Variants in SCN4A observed in about 807,000 individuals in gnomAD.
SCN4A encodes sodium voltage-gated channel alpha subunit 4.
SCN4A carries 83 observed loss-of-function variants against 162.0 expected under a neutral mutation model. That is an observed-to-expected ratio of 0.51 (90% CI 0.43 to 0.61). The LOEUF (loss-of-function observed/expected upper bound fraction) is 0.61, where lower values mean the gene tolerates loss of function less well. SCN4A is among the 20% of genes least tolerant of loss of function. The probability of loss-of-function intolerance (pLI) is 0.00; values close to 1 mark genes in which losing one functional copy is unlikely to be tolerated. For synonymous variants in SCN4A, 944 were observed against 985.1 expected (o/e 0.96, Z 0.78); for missense variants, 2,196 against 2,462.5 (o/e 0.89, Z 2.29).
In SCN4A at chr17:63,957,223, A is replaced by G; in HGVS notation, c.2315T>C (p.Val772Ala). The G allele has an allele frequency of 6.2e-7, 1 of 1,601,924 alleles. No individual in the cohort carries two copies. The stretch of plus-strand genomic sequence containing the variant: ...GGTGAGGCACATGGCTTGGCCGGCC[A>G]CCTCCATGCAGTCCCACATGGTCTC... ...WIETMWDCME[V>A]AGQAMCLTVF... Residue 772 changes from valine to alanine, a missense_variant, in exon 13 of 24, where the codon GTG becomes GCG. Physicochemically the swap from Val to Ala is moderately conservative, Grantham distance 64 (BLOSUM62 0). Transcript: ENST00000435607.
At position 63,944,741 on chromosome 17, in the gene SCN4A, C is replaced by G; in HGVS notation, c.3844G>C (p.Gly1282Arg). 2 of 1,613,666 alleles carry G rather than the reference C, an allele frequency of 1.2e-6. No homozygotes were observed. Among genetic ancestry groups the G allele is most frequent in the Non-Finnish European group, 1.7e-6 (2 of 1,179,792 alleles). The change falls in exon 21 of 24, where the codon GGC becomes CGC. Residue 1282 changes from glycine to arginine, a missense_variant. By Grantham distance (125) the Gly-to-Arg change is moderately radical. Transcript: ENST00000435607. The surrounding 1 kb of genome is among the most constrained non-coding windows in gnomAD (Gnocchi z 4.3). ...YLYFVIFIIF[G>R]SFFTLNLFIG... ...AAGAGGTTGAGGGTGAAGAAGGAGC[C>G]AAAGATGATGAAGATGACAAAGTAG...
rs1195733783 is a variant in SCN4A at position 63,938,709 on chromosome 17, A to G, written c.*2062T>C. The G allele has an allele frequency of 6.5e-6, 1 of 152,678 alleles. No individual in the cohort carries two copies. The allele number at this position is 152,678 out of a possible 1,614,324, so 9.5% of individuals were successfully genotyped here. On this transcript the variant is annotated 3_prime_UTR_variant, in exon 24 of 24. Coordinates refer to ENST00000435607, the MANE Select transcript of SCN4A (RefSeq NM_000334.4). Reference sequence around the variant, plus strand: ...GGGAGAGGCCGGACCCGGCTCATCTACTCTTCCTCTGCAACCTGCACACAG... The same window carrying G: ...GGGAGAGGCCGGACCCGGCTCATCTGCTCTTCCTCTGCAACCTGCACACAG...
intron 10 of SCN4A, among the ~76,000 whole-genome samples, chr17:63,962,681 C>A (rs1256119436): frequency 6.6e-6 from 1 of 152,132 alleles, no homozygotes; most frequent in Non-Finnish European, 1.5e-5. Flanking sequence ...ACCTCCCTCC[C>A]ACACCCAGTA....
rs768289095 is a variant in SCN4A, at chr17:63,951,660, T to TCTCCCCCGCCTCTCCAGC, written c.2599_2616dup (p.Ala867_Glu872dup). The TCTCCCCCGCCTCTCCAGC allele has an allele frequency of 1.9e-5, 30 of 1,584,092 alleles. No individual in the cohort carries two copies. The highest frequency in any genetic ancestry group is 3.3e-4 in the Middle Eastern group (2 of 6,008). On this transcript the variant is annotated inframe_insertion, in exon 14 of 24. Coordinates refer to ENST00000435607, the MANE Select transcript of SCN4A (RefSeq NM_000334.4). The surrounding 1 kb of genome is among the most constrained non-coding windows in gnomAD (Gnocchi z 4.5). ...TCCTTCTTCTCATCCTCGGGGGCAG[T>TCTCCCCCGCCTCTCCAGC]CTCCCCCGCCTCTCCAGCCTCCCCG...
intron 6 of SCN4A, among the ~76,000 whole-genome samples, chr17:63,966,999 G>C (rs1463264656): frequency 6.6e-6 from 1 of 152,170 alleles, no homozygotes; most frequent in Non-Finnish European, 1.5e-5. Flanking sequence ...TGCCTGTGAA[G>C]ATGCATATGT....
intron 17 of SCN4A, among the ~76,000 whole-genome samples, chr17:63,947,584 T>C (rs1207419823): frequency 1.3e-5 from 2 of 152,142 alleles, no homozygotes; most frequent in Non-Finnish European, 2.9e-5. Context: ...CAAGATCCCA[T>C]CTTAAAAATA....
At position 63,940,840 on chromosome 17, in the gene SCN4A, G is replaced by A. The variant is rs2144772830; in HGVS notation, c.5442C>T (p.Asp1814=). 6.2e-7 allele frequency: 1 copy of A among 1,611,104 alleles called. No individual in the cohort carries two copies. The highest frequency in any genetic ancestry group is 1.7e-4 in the Middle Eastern group (1 of 6,058). The change falls in exon 24 of 24, where the codon GAC becomes GAT. Residue 1814 remains aspartate, a synonymous_variant. Transcript: ENST00000435607. The stretch of plus-strand genomic sequence containing the variant: ...GGGGAGGGGCGGGAGGCCAGGCAGT[G>A]TCTGAGGGGCTGATGGGCATCAGCC... ...TMGLMPISPS[D]TAWPPAPPPG...
rs1401988168 is a variant in SCN4A at position 63,951,308 on chromosome 17, G to A, written c.2853+116C>T. 7 of 712,200 alleles carry A rather than the reference G, an allele frequency of 9.8e-6. No homozygotes were observed. Among genetic ancestry groups the A allele is most frequent in the Admixed American group, 2.9e-5 (1 of 34,408 alleles). The allele number at this position is 712,200 out of a possible 1,614,324, so 44.1% of individuals were successfully genotyped here. Reference sequence around the variant, plus strand: ...ACATAATGCTTGCAACAATGCCATAGGGCACCACCCCCATTTTACAGCTGG... The same window carrying A: ...ACATAATGCTTGCAACAATGCCATAAGGCACCACCCCCATTTTACAGCTGG... On this transcript the variant is annotated intron_variant, in intron 14 of 23. Coordinates refer to ENST00000435607, the MANE Select transcript of SCN4A (RefSeq NM_000334.4). The surrounding 1 kb of genome is among the most constrained non-coding windows in gnomAD (Gnocchi z 4.5).
At chr17:63,947,224 C>T in intron 17 of SCN4A, 57 bp from the exon 18 acceptor site, 1 of 1,605,862 alleles carries the variant, frequency 6.2e-7, no homozygotes, top group South Asian at 1.1e-5. Flanking sequence ...TCCCCTCAAG[C>T]CCAGGCCACG....
In SCN4A at chr17:63,945,200, G is replaced by C. The variant is rs1567817923; in HGVS notation, c.3721-140C>G. 1 of 1,028,284 alleles carries C rather than the reference G, an allele frequency of 9.7e-7. No individual in the cohort carries two copies. Among genetic ancestry groups the C allele is most frequent in the Non-Finnish European group, 1.5e-6 (1 of 687,124 alleles). The allele number at this position is 1,028,284 out of a possible 1,614,324, so 63.7% of individuals were successfully genotyped here. ...CCCCACTGGGCTAGCATCAAATAAA[G>C]ACCAGAGAGGTCTAGACACTGCCTG... is the stretch of plus-strand genomic sequence containing the variant. On this transcript the variant is annotated intron_variant, in intron 19 of 23. Transcript: ENST00000435607. This position sits in a 1 kb window ranked among gnomAD's most constrained non-coding sequence, Gnocchi z 4.4.
chr17:63,941,413 T>A lies in SCN4A; in HGVS notation c.4869A>T (p.Thr1623=). The A allele has an allele frequency of 6.2e-7, 1 of 1,613,634 alleles. No individual in the cohort carries two copies. Among genetic ancestry groups the A allele is most frequent in the South Asian group, 1.1e-5 (1 of 91,060 alleles). ...TGGCGTCGGGGTCGAACTTCTCCCA[T>A]GTCTCGTAGAACATCTCAAAGTCAT... The part of the protein sequence containing the change: ...GEDDFEMFYE[T]WEKFDPDATQ... Residue 1623 remains threonine, a synonymous_variant, in exon 24 of 24, where the codon ACA becomes ACT. Transcript: ENST00000435607. The surrounding 1 kb of genome is among the most constrained non-coding windows in gnomAD (Gnocchi z 6.2).
At position 63,943,952 on chromosome 17, in the gene SCN4A, G is replaced by A. The variant is rs8079073; in HGVS notation, c.3913-102C>T. ...GCACCTCACCTTTAAGGCAGCCCCC[G>A]CCCCTGTTGATCAGCCTGGAGGAAG... On this transcript the variant is annotated intron_variant, in intron 21 of 23. Transcript: ENST00000435607. 0.028 allele frequency: 20,031 copies of A among 714,964 alleles called. 2,714 individuals carry two copies. In the African/African-American group the frequency reaches 0.3, roughly 11 times the overall value. 44.3% of individuals were successfully genotyped at this position (714,964 alleles called of 1,614,324 possible). A position where few individuals can be genotyped will look rare whatever the true frequency, so the allele number is the denominator to read the frequency against.
chr17:63,972,464 T>C lies in SCN4A; in HGVS notation c.280A>G (p.Ile94Val). 1 of 1,613,672 alleles carries C rather than the reference T, an allele frequency of 6.2e-7. No individual in the cohort carries two copies. ...ATGGCCTTGCCCTTGTTGAGTACGA[T>C]GAAGGTCTAAGGTGGGAGAGAGGCT... ...DPYYSNKKTF[I>V]VLNKGKAIFR... Residue 94 changes from isoleucine (I) to valine (V), a missense_variant, in exon 2 of 24, where the codon ATC becomes GTC. Transcript: ENST00000435607. The surrounding 1 kb of genome is among the most constrained non-coding windows in gnomAD (Gnocchi z 4.3).
chr17:63,971,981 T>TGATA, intron 3 of SCN4A, 131 bp from the exon 4 acceptor site: 1 of 1,130,432 alleles, frequency 8.8e-7, no homozygotes, highest in Non-Finnish European at 1.3e-6. Context: ...CACTAGCGAG[T>TGATA]GATAGCATGG....
Position 63,951,394 on chromosome 17 carries a change from G to T in SCN4A, c.2853+30C>A. On this transcript the variant is annotated intron_variant, in intron 14 of 23. Transcript: ENST00000435607. This position sits in a 1 kb window ranked among gnomAD's most constrained non-coding sequence, Gnocchi z 4.5. ...CCAGGTCACAGGAGAATTTGAAGCC[G>T]GGTCTGTCTGAGCCCCAGCCCCGGC... The T allele has an allele frequency of 6.8e-7, 1 of 1,462,350 alleles. No homozygotes were observed. The highest frequency in any genetic ancestry group is 1.3e-5 in the South Asian group (1 of 76,072). The allele number at this position is 1,462,350 out of a possible 1,614,324, so 90.6% of individuals were successfully genotyped here.
In SCN4A at chr17:63,943,866, G is replaced by T. The variant is rs1424993289; in HGVS notation, c.3913-16C>A. 1 of 1,540,110 alleles carries T rather than the reference G, an allele frequency of 6.5e-7. No individual in the cohort carries two copies. Among genetic ancestry groups the T allele is most frequent in the Non-Finnish European group, 9.0e-7 (1 of 1,112,820 alleles). Reference sequence around the variant, plus strand: ...TCCCCCCTAAGTATAGTGGGATAGGGCTTGTCAGGTTGAGGTGCAGTTCCC... The same window carrying T: ...TCCCCCCTAAGTATAGTGGGATAGGTCTTGTCAGGTTGAGGTGCAGTTCCC... On this transcript the variant is annotated splice_polypyrimidine_tract_variant and intron_variant, in intron 21 of 23. Coordinates refer to ENST00000435607, the MANE Select transcript of SCN4A (RefSeq NM_000334.4).
Position 63,972,375 on chromosome 17 carries a change from C to G in SCN4A, c.369G>C (p.Gly123=), listed in dbSNP as rs1224643942. The part of the protein sequence containing the change: ...LLSPFSVVRR[G]AIKVLIHALF... ...ATGCATGGATGAGCACCTTGATGGC[C>G]CCGCGCCTGACTACGCTGAAGGGGC... is the stretch of plus-strand genomic sequence containing the variant. Residue 123 remains glycine, a synonymous_variant, in exon 2 of 24, where the codon GGG becomes GGC. Transcript: ENST00000435607. The surrounding 1 kb of genome is among the most constrained non-coding windows in gnomAD (Gnocchi z 4.3). 1.9e-6 allele frequency: 3 copies of G among 1,613,760 alleles called. No homozygotes were observed. Among genetic ancestry groups the G allele is most frequent in the Non-Finnish European group, 2.5e-6 (3 of 1,179,840 alleles).
rs550132900 is a variant in SCN4A at position 63,971,272 on chromosome 17, G to C, written c.612-19C>G. On this transcript the variant is annotated intron_variant, in intron 4 of 23. Transcript: ENST00000435607. ...CAGGTACCTGGGTAGGGGGTGGAGGGGGGTGGGGACTGTCAGAGCCTGGGG... is the reference window on the plus strand; with the variant it reads ...CAGGTACCTGGGTAGGGGGTGGAGGCGGGTGGGGACTGTCAGAGCCTGGGG... The C allele has an allele frequency of 1.8e-5, 25 of 1,421,944 alleles. No individual in the cohort carries two copies. The highest frequency in any genetic ancestry group is 3.8e-4 in the Middle Eastern group (2 of 5,240). 88.1% of individuals were successfully genotyped at this position (1,421,944 alleles called of 1,614,324 possible). A position where few individuals can be genotyped will look rare whatever the true frequency, so the allele number is the denominator to read the frequency against.
chr17:63,957,441 C>A lies in SCN4A; in HGVS notation c.2097G>T (p.Ala699=), dbSNP rs765222494. ...CCAGCACCAGCGTCAGGTTACCCAGCGCCCCCACTGAATTGCCAATGATCT... is the reference window on the plus strand; with the variant it reads ...CCAGCACCAGCGTCAGGTTACCCAGAGCCCCCACTGAATTGCCAATGATCT... ...LIKIIGNSVG[A]LGNLTLVLAI... The change falls in exon 13 of 24, where the codon GCG becomes GCT. Residue 699 remains alanine (A), a synonymous_variant. Transcript: ENST00000435607. The A allele has an allele frequency of 1.2e-6, 2 of 1,613,930 alleles. No homozygotes were observed. Among genetic ancestry groups the A allele is most frequent in the Non-Finnish European group, 1.7e-6 (2 of 1,179,920 alleles).
Sources: allele counts gnomAD v4.1 joint callset (sites outside exome capture counted in the v4.1 genomes callset), GRCh38; gene constraint gnomAD v4.1.1; non-coding constraint Gnocchi (gnomAD v3.1); transcripts MANE v1.5; gene names NCBI Gene and HGNC (gene_info 2026-07-23, HGNC 2026-07-21).